Variants in PLD3 observed in about 807,000 individuals in gnomAD.
The protein encoded by PLD3 is 5'-3' exonuclease PLD3.
Under a neutral mutation model 58.4 loss-of-function variants are expected in PLD3, and 31 were observed. The ratio of observed to expected loss-of-function variants is 0.53; its 90% CI spans 0.40 to 0.72. The LOEUF (loss-of-function observed/expected upper bound fraction) is 0.72, where lower values mean the gene tolerates loss of function less well. PLD3 is among the 30% of genes least tolerant of loss of function. The pLI is 0.00. For missense variants in PLD3, 595 were observed against 659.8 expected (o/e 0.90, Z 1.08); for synonymous variants, 264 against 273.4 (o/e 0.97, Z 0.34).
intron 1 of PLD3, among the ~76,000 whole-genome samples, chr19:40,353,761 G>T (rs1461609941): frequency 1.3e-5 from 2 of 151,684 alleles, no homozygotes; most frequent in African/African-American, 2.4e-5. Context: ...TGTATTTTTA[G>T]TAGAGATGGG....
intron 6 of PLD3, 130 bp downstream of exon 6, chr19:40,368,009 A>G: frequency 1.3e-6 from 1 of 780,876 alleles, no homozygotes; most frequent in Non-Finnish European, 2.0e-6. Context: ...CAGATTGGAC[A>G]CAGGTGTTTG....
Position 40,376,693 on chromosome 19 carries a change from A to G in PLD3, c.1104A>G (p.Gly368=). ...VKVRLLISCW[G]HSEPSMRAFL... ...TGCGCCTGCTCATCAGCTGCTGGGG[A>G]CACTCGGAGCCATCCATGCGGGCCT... is the stretch of plus-strand genomic sequence containing the variant. The change falls in exon 11 of 13, where the codon GGA becomes GGG. Residue 368 remains glycine, a synonymous_variant. Transcript: ENST00000409735. 1 of 1,605,048 alleles carries G rather than the reference A, an allele frequency of 6.2e-7. No individual in the cohort carries two copies. Among genetic ancestry groups the G allele is most frequent in the Non-Finnish European group, 8.5e-7 (1 of 1,179,962 alleles).
In PLD3 at chr19:40,378,060, G is replaced by T; in HGVS notation, c.1360G>T (p.Gly454Cys). The T allele has an allele frequency of 1.1e-5, 18 of 1,613,976 alleles. No homozygotes were observed. The highest frequency in any genetic ancestry group is 1.5e-5 in the Non-Finnish European group (18 of 1,179,926). ...GCTGCTGGTGACGCAGAATGGGAGG[G>T]GCGGCCTGCGGAGCCAGCTGGAGGC... ...TSLLVTQNGRGGLRSQLEAIF... is the reference protein window; with the variant it reads ...TSLLVTQNGRCGLRSQLEAIF... The change falls in exon 13 of 13, where the codon GGC becomes TGC. Residue 454 changes from glycine to cysteine, a missense_variant. Coordinates refer to ENST00000409735, the MANE Select transcript of PLD3 (RefSeq NM_012268.4).
At chr19:40,355,612 C>CTTTTTT (rs60422933) in intron 1 of PLD3, among the ~76,000 whole-genome samples, 4 of 81,102 alleles carry the variant, frequency 4.9e-5, no homozygotes, top group Non-Finnish European at 4.6e-5. Flanking sequence ...GTGCCGGCTC[C>CTTTTTT]TTTTTTTTTT....
intron 5 of PLD3, 142 bp from the exon 6 acceptor site, chr19:40,367,554 C>T (rs2078957466): frequency 3.0e-6 from 2 of 662,112 alleles, no homozygotes; most frequent in Non-Finnish European, 4.9e-6. Flanking sequence ...GCGCTTCCAG[C>T]CTGGGGGACA....
chr19:40,366,651 G>GA lies in PLD3; in HGVS notation c.71dup (p.Asn24LysfsTer2), dbSNP rs747195891. On this transcript the variant is annotated frameshift_variant, in exon 4 of 13. Coordinates refer to ENST00000409735, the MANE Select transcript of PLD3 (RefSeq NM_012268.4). LOFTEE classifies it high-confidence loss of function. ...AGGAGCCCGCCAATGAGCTGCCCAT[G>GA]AATGAGATTGAGGCGTGGAAGGCTG... 1 of 1,593,540 alleles carries GA rather than the reference G, an allele frequency of 6.3e-7. No individual in the cohort carries two copies. Among genetic ancestry groups the GA allele is most frequent in the Non-Finnish European group, 8.6e-7 (1 of 1,167,830 alleles).
chr19:40,365,515 GT>G (rs1234934229), intron 1 of PLD3: 2 of 152,172 alleles, frequency 1.3e-5, no homozygotes, highest in African/African-American at 4.8e-5. Flanking sequence ...TTTTATAAGC[GT>G]TTTATTAATT....
chr19:40,371,691 G>T lies in PLD3; in HGVS notation c.697G>T (p.Val233Phe). 1 of 1,613,574 alleles carries T rather than the reference G, an allele frequency of 6.2e-7. No homozygotes were observed. Among genetic ancestry groups the T allele is most frequent in the Non-Finnish European group, 8.5e-7 (1 of 1,179,794 alleles). ...SLTQVKELGV[V>F]MYNCSCLARD... ...CCTACAGGTCAAGGAGCTGGGCGTG[G>T]TCATGTACAACTGCAGCTGCCTGGC... The change falls in exon 9 of 13, where the codon GTC becomes TTC. Residue 233 changes from valine (V) to phenylalanine (F), a missense_variant. Val to Phe is a conservative substitution (Grantham distance 50). Transcript: ENST00000409735.
intron 1 of PLD3, chr19:40,359,912 T>C (rs1304851442): frequency 6.6e-6 from 1 of 152,080 alleles, no homozygotes; most frequent in Non-Finnish European, 1.5e-5. Flanking sequence ...TGTAGGCTGG[T>C]CTTGAACTCC....
intron 8 of PLD3, among the ~76,000 whole-genome samples, chr19:40,371,214 A>C (rs1332810493): frequency 6.6e-6 from 1 of 152,136 alleles, no homozygotes; most frequent in Non-Finnish European, 1.5e-5. Context: ...TAATCTCAGC[A>C]ATTATGCAGG....
At chr19:40,353,372 T>A (rs1011168084) in intron 1 of PLD3, among the ~76,000 whole-genome samples, 1 of 151,716 alleles carries the variant, frequency 6.6e-6, no homozygotes, top group African/African-American at 2.4e-5. Flanking sequence ...GGAGGTTGCT[T>A]TGAGCCGAGA....
chr19:40,362,563 A>G (rs2078813798), intron 1 of PLD3, among the ~76,000 whole-genome samples: 1 of 152,112 alleles, frequency 6.6e-6, no homozygotes, highest in African/African-American at 2.4e-5. Context: ...AGCCTTCCAC[A>G]TAGTTGGAAC....
chr19:40,368,488 C>G (rs1444639689), intron 6 of PLD3, among the ~76,000 whole-genome samples: 1 of 152,202 alleles, frequency 6.6e-6, no homozygotes, highest in Non-Finnish European at 1.5e-5. Context: ...ACATGGATAA[C>G]CTCTTCCATT....
At chr19:40,352,346 C>T (rs936091887) in intron 1 of PLD3, among the ~76,000 whole-genome samples, 19 of 152,106 alleles carry the variant, frequency 1.2e-4, no homozygotes, top group African/African-American at 3.9e-4. Context: ...GAGAGGCCGG[C>T]GCCACCACGG....
In PLD3 at chr19:40,376,651, C is replaced by T. The variant is rs139860064; in HGVS notation, c.1062C>T (p.Tyr354=). The T allele has an allele frequency of 5.8e-4, 926 of 1,607,700 alleles. 4 individuals carry two copies. In the African/African-American group the frequency reaches 8.7e-3, roughly 15 times the overall value. Residue 354 remains tyrosine (Y), a synonymous_variant, in exon 11 of 13, where the codon TAC becomes TAT. Transcript: ENST00000409735. ...AIDDGLRRAT[Y]ERGVKVRLLI... is the part of the protein sequence containing the mutation. ...ACGATGGGCTGCGGCGGGCCACCTA[C>T]GAGCGTGGCGTCAAGGTGCGCCTGC...
chr19:40,354,021 G>A (rs1292988027), intron 1 of PLD3, among the ~76,000 whole-genome samples: 3 of 148,602 alleles, frequency 2.0e-5, no homozygotes, highest in Admixed American at 6.7e-5. Flanking sequence ...AGCCTCCCAC[G>A]TAGCTAGGGC....
intron 1 of PLD3, among the ~76,000 whole-genome samples, chr19:40,351,619 G>A (rs2078517898): frequency 1.3e-5 from 2 of 152,188 alleles, no homozygotes; most frequent in African/African-American, 4.8e-5. Flanking sequence ...AACAGCAAAA[G>A]CAAAAGTCTT....
At chr19:40,376,837 C>G in intron 11 of PLD3, 63 bp downstream of exon 11, 1 of 1,461,424 alleles carries the variant, frequency 6.8e-7, no homozygotes, top group Non-Finnish European at 9.3e-7. Context: ...ACACAGCCCT[C>G]ATGGGACTCG....
chr19:40,368,529 C>T (rs974793301), intron 6 of PLD3, among the ~76,000 whole-genome samples: 1 of 152,148 alleles, frequency 6.6e-6, no homozygotes, highest in African/African-American at 2.4e-5. Flanking sequence ...CTTCTGTTTT[C>T]TTCTCCCTAC....
Sources: gnomAD v4.1 joint callset for allele counts (sites outside exome capture counted in the v4.1 genomes callset) on GRCh38, gnomAD v4.1.1 for gene constraint, MANE v1.5 for transcripts, NCBI Gene and HGNC (gene_info 2026-07-23, HGNC 2026-07-21) for gene names.